TENM2: variants seen among roughly 807,000 people sequenced by gnomAD.
TENM2 encodes teneurin transmembrane protein 2.
In TENM2, 52 loss-of-function variants were observed where a neutral mutation model predicts 245.2. That is an observed-to-expected ratio of 0.21 (90% CI 0.17 to 0.27). The LOEUF (loss-of-function observed/expected upper bound fraction) is 0.27. TENM2 is among the 10% of genes least tolerant of loss of function. The pLI, the probability that TENM2 is intolerant of heterozygous loss-of-function variation, is 1.00. For missense variants in TENM2, 3,046 were observed against 3,666.8 expected, an observed-to-expected ratio of 0.83 and a Z score of 4.37; for synonymous variants, 1,363 against 1,438.9, an observed-to-expected ratio of 0.95 and a Z score of 1.19.
rs559460375 is a variant in TENM2, at chr5:167,673,266, A to G, written c.503-202720A>G. Among the ~76,000 whole-genome samples, 5 of 152,112 alleles carry G rather than the reference A, an allele frequency of 3.3e-5. No homozygotes were observed. In the East Asian group the frequency reaches 7.7e-4, roughly 23 times the overall value. The stretch of plus-strand genomic sequence containing the variant: ...CTGTGTATTGTTCAGTATTGTTTCA[A>G]TTTTTGCAATGTGTATATACTGTTT... On this transcript the variant is annotated intron_variant, in intron 2 of 28. Coordinates refer to ENST00000518659, the Ensembl canonical transcript of TENM2.
chr5:167,216,825 G>A, the TENM2 span, among the ~76,000 whole-genome samples: 1 of 152,018 alleles, frequency 6.6e-6, no homozygotes, highest in Non-Finnish European at 1.5e-5. Flanking sequence ...TACTTGAGAG[G>A]CTGAGGTGGG....
At chr5:167,759,220 T>G (rs1051955087) in intron 2 of TENM2, among the ~76,000 whole-genome samples, 5 of 151,412 alleles carry the variant, frequency 3.3e-5, no homozygotes, top group African/African-American at 1.2e-4. Flanking sequence ...TTGCTTAACT[T>G]CTCTGTGTCT....
At chr5:167,196,078 A>C in the TENM2 span, among the ~76,000 whole-genome samples, 76 of 152,168 alleles carry the variant, frequency 5.0e-4, no homozygotes, top group African/African-American at 1.8e-3. Context: ...GTGCTTACAC[A>C]AACCTGGATG....
intron 2 of TENM2, among the ~76,000 whole-genome samples, chr5:167,450,531 G>T (rs1459618898): frequency 1.3e-5 from 2 of 151,994 alleles, no homozygotes; most frequent in African/African-American, 2.4e-5. Flanking sequence ...TTCATGGTGG[G>T]TATATATAGA....
At chr5:167,496,780 C>G (rs909855353) in intron 2 of TENM2, among the ~76,000 whole-genome samples, 2 of 152,036 alleles carry the variant, frequency 1.3e-5, no homozygotes, top group Admixed American at 1.3e-4. Context: ...CACTGTAGAA[C>G]CGGGGATGCT....
intron 4 of TENM2, among the ~76,000 whole-genome samples, chr5:167,981,559 A>G (rs1390879951): frequency 6.6e-6 from 1 of 152,224 alleles, no homozygotes; most frequent in Non-Finnish European, 1.5e-5. Context: ...CTCTTTCATC[A>G]CAAAGGCCTG....
intron 7 of TENM2, among the ~76,000 whole-genome samples, chr5:168,079,615 G>A (rs1487884466): frequency 2.6e-5 from 4 of 152,082 alleles, no homozygotes; most frequent in Admixed American, 6.6e-5. Flanking sequence ...TCAATACCTA[G>A]TTTATTGAGA....
chr5:167,457,128 G>A (rs896323878), intron 2 of TENM2, among the ~76,000 whole-genome samples: 8 of 151,944 alleles, frequency 5.3e-5, no homozygotes, highest in African/African-American at 1.9e-4. Context: ...TCTCTCCTTT[G>A]ATATCTCTAT....
chr5:167,193,578 G>T, the TENM2 span, among the ~76,000 whole-genome samples: 179 of 152,058 alleles, frequency 1.2e-3, no homozygotes, highest in African/African-American at 4.2e-3. Context: ...TTTAACCCTA[G>T]CCAGAGTCAA....
chr5:167,303,154 C>G (rs1329896088), intron 1 of TENM2: 5 of 168,820 alleles, frequency 3.0e-5, no homozygotes, highest in Non-Finnish European at 6.1e-5. Context: ...GTTCCTTGGG[C>G]TGGTGGGTCT....
At chr5:168,155,933 A>G (rs1757123356) in intron 12 of TENM2, among the ~76,000 whole-genome samples, 1 of 145,042 alleles carries the variant, frequency 6.9e-6, no homozygotes, top group African/African-American at 2.5e-5. Flanking sequence ...AATTGTAAGT[A>G]CGGTCTTGTG....
intron 2 of TENM2, among the ~76,000 whole-genome samples, chr5:167,746,230 C>A (rs1416158090): frequency 6.6e-6 from 1 of 152,134 alleles, no homozygotes; most frequent in East Asian, 1.9e-4. Context: ...AGCTTGCACA[C>A]GAAACCCAAT....
rs745647744 is a variant in TENM2 at position 168,090,755 on chromosome 5, A to G, written c.1697A>G (p.Asn566Ser). Residue 566 changes from asparagine (N) to serine (S), a missense_variant, in exon 8 of 29, where the codon AAT becomes AGT. Asn to Ser is a conservative substitution (Grantham distance 46). Around this residue, in one of 2 missense-constraint regions of TENM2, gnomAD observed 2,704 missense variants for 3,331.9 expected, o/e 0.81. Coordinates refer to ENST00000518659, the Ensembl canonical transcript of TENM2. ...AAAGACAAAGAGATGGTTTCCTTCA[A>G]TACTGTTGTCCTAGGTAGGTGTGGG... 1.4e-5 allele frequency: 22 copies of G among 1,613,660 alleles called. No homozygotes were observed. Among genetic ancestry groups the G allele is most frequent in the Non-Finnish European group, 1.7e-5 (20 of 1,179,724 alleles).
intron 2 of TENM2, among the ~76,000 whole-genome samples, chr5:167,543,486 AAT>A (rs1218895193): frequency 6.6e-6 from 1 of 152,146 alleles, no homozygotes; most frequent in African/African-American, 2.4e-5. Context: ...ACTGAGTAAT[AAT>A]ATAATAGACT....
intron 2 of TENM2, among the ~76,000 whole-genome samples, chr5:167,437,252 T>A (rs561795546): frequency 8.7e-4 from 133 of 152,306 alleles, no homozygotes; most frequent in African/African-American, 3.0e-3. Flanking sequence ...GATGCGAGAC[T>A]TGGAATCAAA....
chr5:167,746,505 G>C (rs1462492168), intron 2 of TENM2, among the ~76,000 whole-genome samples: 1 of 152,150 alleles, frequency 6.6e-6, no homozygotes, highest in Non-Finnish European at 1.5e-5. Context: ...AGCATAATGG[G>C]ATGACCAGCC....
At chr5:167,617,671 C>T (rs1408504893) in intron 2 of TENM2, among the ~76,000 whole-genome samples, 1 of 152,122 alleles carries the variant, frequency 6.6e-6, no homozygotes, top group Non-Finnish European at 1.5e-5. Context: ...CTAGTAGAGG[C>T]TTCGTGTTTG....
intron 1 of TENM2, among the ~76,000 whole-genome samples, chr5:167,339,547 T>C (rs945538036): frequency 1.3e-5 from 2 of 152,186 alleles, no homozygotes; most frequent in Non-Finnish European, 2.9e-5. Flanking sequence ...GATATGAGGA[T>C]TTTCCAGATC....
intron 5 of TENM2, among the ~76,000 whole-genome samples, chr5:167,997,460 T>G (rs1201230846): frequency 6.6e-6 from 1 of 152,180 alleles, no homozygotes; most frequent in Non-Finnish European, 1.5e-5. Flanking sequence ...TCAGTCCTCA[T>G]ATTTCTGCTT....
Sources: gnomAD v4.1 joint callset for allele counts (sites outside exome capture counted in the v4.1 genomes callset) on GRCh38, gnomAD v4.1.1 for gene constraint, gnomAD v4.1.1 regional missense constraint, MANE v1.5 for transcripts, NCBI Gene and HGNC (gene_info 2026-07-23, HGNC 2026-07-21) for gene names.